NRXN3: variants seen among roughly 807,000 people sequenced by gnomAD.
The protein encoded by NRXN3 is neurexin III.
Under a neutral mutation model 137.6 loss-of-function variants are expected in NRXN3, and 32 were observed. The observed-to-expected ratio is 0.23, with a 90% CI of 0.18 to 0.31. NRXN3 has a LOEUF of 0.31. Among genes scored for constraint, NRXN3 ranks in the 10% least tolerant of loss-of-function variants. The pLI is 1.00. For missense variants in NRXN3, 1,574 were observed against 2,062.5 expected, an observed-to-expected ratio of 0.76 and a Z score of 4.59; for synonymous variants, 798 against 784.5, an observed-to-expected ratio of 1.02 and a Z score of -0.29.
chr14:79,709,718 T>G (rs1206356321), intron 19 of NRXN3, among the ~76,000 whole-genome samples: 1 of 152,110 alleles, frequency 6.6e-6, no homozygotes, highest in East Asian at 1.9e-4. Context: ...CACACTATAA[T>G]GCACAATGAA....
intron 19 of NRXN3, among the ~76,000 whole-genome samples, chr14:79,793,692 C>T (rs960119763): frequency 6.6e-6 from 1 of 152,154 alleles, no homozygotes; most frequent in Non-Finnish European, 1.5e-5. Context: ...TTTCTTTTCT[C>T]TTTCTTCAAT....
At chr14:79,571,623 C>T (rs185909664) in intron 16 of NRXN3, among the ~76,000 whole-genome samples, 9 of 152,220 alleles carry the variant, frequency 5.9e-5, no homozygotes, top group Admixed American at 2.6e-4. Flanking sequence ...TCATTTTTCC[C>T]GTGGGCCAGA....
chr14:79,713,311 C>T (rs551997811), intron 19 of NRXN3, among the ~76,000 whole-genome samples: 2 of 149,898 alleles, frequency 1.3e-5, no homozygotes, highest in African/African-American at 2.4e-5. Flanking sequence ...GGTTATTTGC[C>T]GATTAGCTGC....
intron 4 of NRXN3, among the ~76,000 whole-genome samples, chr14:78,627,491 G>A (rs901572368): frequency 5.9e-5 from 9 of 152,202 alleles, no homozygotes; most frequent in African/African-American, 2.2e-4. Context: ...CCAGAGGCAG[G>A]TGCTGCCCAG....
intron 19 of NRXN3, among the ~76,000 whole-genome samples, chr14:79,768,702 T>A (rs918861289): frequency 2.3e-4 from 35 of 152,212 alleles, no homozygotes; most frequent in Non-Finnish European, 3.4e-4. Flanking sequence ...TGGAAACTCT[T>A]AAAAGCAGAG....
At chr14:79,125,720 C>T (rs889759748) in intron 15 of NRXN3, among the ~76,000 whole-genome samples, 1 of 152,134 alleles carries the variant, frequency 6.6e-6, no homozygotes, top group Non-Finnish European at 1.5e-5. Flanking sequence ...TAGTCTTAGC[C>T]CAGTAACATC....
At chr14:79,790,746 G>A (rs1366670998) in intron 19 of NRXN3, among the ~76,000 whole-genome samples, 8 of 149,764 alleles carry the variant, frequency 5.3e-5, no homozygotes, top group Middle Eastern at 7.2e-3. Flanking sequence ...TCAGCCACCC[G>A]AGTATCTGGG....
At chr14:79,651,925 A>AGTTT (rs1256062977) in intron 16 of NRXN3, among the ~76,000 whole-genome samples, 18 of 152,226 alleles carry the variant, frequency 1.2e-4, no homozygotes, top group African/African-American at 4.1e-4. Flanking sequence ...TGGAATCCAT[A>AGTTT]GTTTGTTTTG....
At chr14:79,019,785 G>C (rs1229939352) in intron 15 of NRXN3, among the ~76,000 whole-genome samples, 2 of 152,086 alleles carry the variant, frequency 1.3e-5, no homozygotes, top group Non-Finnish European at 2.9e-5. Context: ...GTAAGTAAGA[G>C]AGCAAGACCA....
intron 4 of NRXN3, among the ~76,000 whole-genome samples, chr14:78,547,282 T>C (rs2096645508): frequency 6.6e-6 from 1 of 151,900 alleles, no homozygotes; most frequent in South Asian, 2.1e-4. Context: ...CTCAGCTCAC[T>C]GCAAGCTCCC....
Position 79,864,202 on chromosome 14 carries a change from G to T in NRXN3, c.*2238G>T, listed in dbSNP as rs1165990541. The stretch of plus-strand genomic sequence containing the variant: ...TTTCAATTTAAGTAATAATACATTT[G>T]TTATATTCCTTTCAGTGTAAGTTTC... On this transcript the variant is annotated 3_prime_UTR_variant, in exon 21 of 21. Transcript: ENST00000335750. 1 of 152,458 alleles carries T rather than the reference G, an allele frequency of 6.6e-6. No individual in the cohort carries two copies. The highest frequency in any genetic ancestry group is 1.5e-5 in the Non-Finnish European group (1 of 68,000). 9.4% of individuals were successfully genotyped at this position (152,458 alleles called of 1,614,324 possible). A position where few individuals can be genotyped will look rare whatever the true frequency, so the allele number is the denominator to read the frequency against.
chr14:78,942,970 G>A (rs867592087), intron 10 of NRXN3, among the ~76,000 whole-genome samples: 15 of 152,250 alleles, frequency 9.9e-5, no homozygotes, highest in Middle Eastern at 6.8e-3. Context: ...TTGGAAGAGA[G>A]GGAGGGTTGG....
intron 15 of NRXN3, among the ~76,000 whole-genome samples, chr14:79,430,112 A>G (rs2095722930): frequency 6.6e-6 from 1 of 152,182 alleles, no homozygotes; most frequent in African/African-American, 2.4e-5. Flanking sequence ...TCTTCACCTA[A>G]TAGCTAAAAA....
Position 78,380,777 on chromosome 14 carries a change from C to A in NRXN3, c.757+82917C>A, listed in dbSNP as rs1312398749. Among the ~76,000 whole-genome samples the A allele has an allele frequency of 6.0e-5, 7 of 116,678 alleles. No homozygotes were observed. In the Admixed American group the frequency reaches 7.7e-4, roughly 13 times the overall value. The allele number at this position is 116,678 out of a possible 152,430, so 76.5% of individuals were successfully genotyped here. A position where few individuals can be genotyped will look rare whatever the true frequency, so the allele number is the denominator to read the frequency against. On this transcript the variant is annotated intron_variant, in intron 4 of 20. Coordinates refer to ENST00000335750, the MANE Select transcript of NRXN3 (RefSeq NM_001330195.2). ...TACACAGGTTGAACACAATTTCTTT[C>A]AAATCTTATCAAGTTTTTTTTTTTT...
In NRXN3 at chr14:78,173,709, C is replaced by CTTTTTTTTT. The variant is rs10638142; in HGVS notation, c.-704+3042_-704+3050dup. Among the ~76,000 whole-genome samples the CTTTTTTTTT allele has an allele frequency of 9.1e-4, 63 of 69,332 alleles. 5 individuals are homozygous for CTTTTTTTTT. The highest frequency in any genetic ancestry group is 1.1e-3 in the Non-Finnish European group (45 of 40,664). The allele number at this position is 69,332 out of a possible 152,430, so 45.5% of individuals were successfully genotyped here. ...CGGCTCTTTTTTCCCTTTTTCCTTG[C>CTTTTTTTTT]TTTTTTTTTTTTTTTGCAACACAAC... On this transcript the variant is annotated intron_variant, in intron 1 of 20. Transcript: ENST00000335750.
In NRXN3 at chr14:79,055,012, C is replaced by G. The variant is rs138200838; in HGVS notation, c.3262+66871C>G. Among the ~76,000 whole-genome samples, 53 of 152,292 alleles carry G rather than the reference C, an allele frequency of 3.5e-4. No homozygotes were observed. The East Asian group carries it at 9.8e-3, about 28-fold the overall frequency. ...GCTGCAGATGTCTCTAATAAGCATTCCCAAGTGCACTGTGTTCCATTAGTA... is the reference window on the plus strand; with the variant it reads ...GCTGCAGATGTCTCTAATAAGCATTGCCAAGTGCACTGTGTTCCATTAGTA... On this transcript the variant is annotated intron_variant, in intron 15 of 20. Coordinates refer to ENST00000335750, the MANE Select transcript of NRXN3 (RefSeq NM_001330195.2).
intron 15 of NRXN3, among the ~76,000 whole-genome samples, chr14:79,242,910 G>C (rs1396965735): frequency 6.6e-6 from 1 of 152,094 alleles, no homozygotes; most frequent in Admixed American, 6.6e-5. Flanking sequence ...TCTGCTGCTG[G>C]CAATTATGCT....
intron 4 of NRXN3, among the ~76,000 whole-genome samples, chr14:78,374,071 G>A (rs1333759250): frequency 2.6e-5 from 4 of 152,148 alleles, no homozygotes; most frequent in South Asian, 4.1e-4. Flanking sequence ...AACTAGGTCC[G>A]TCCTGGGTCC....
At chr14:79,396,378 C>T (rs1348196465) in intron 15 of NRXN3, among the ~76,000 whole-genome samples, 5 of 151,668 alleles carry the variant, frequency 3.3e-5, no homozygotes, top group Non-Finnish European at 2.9e-5. Context: ...CTTTATAGAG[C>T]CTAAGTTTGG....
Sources: gnomAD v4.1 joint callset for allele counts (sites outside exome capture counted in the v4.1 genomes callset) on GRCh38, gnomAD v4.1.1 for gene constraint, MANE v1.5 for transcripts, NCBI Gene and HGNC (gene_info 2026-07-23, HGNC 2026-07-21) for gene names.